Variants in FGF13 observed in about 807,000 individuals in gnomAD.
FGF13 encodes the protein fibroblast growth factor homologous factor 2.
Under a neutral mutation model 19.5 loss-of-function variants are expected in FGF13, and 2 were observed. The observed-to-expected ratio is 0.10, with a 90% CI of 0.04 to 0.32. The LOEUF is 0.32. Ranked by LOEUF, FGF13 falls within the 10% of genes least tolerant of loss-of-function variation. The pLI is 1.00. For missense variants in FGF13, 113 were observed against 192.7 expected (o/e 0.59, Z 2.45); for synonymous variants, 72 against 76.9 (o/e 0.94, Z 0.33).
chrX:138,812,673 T>C (rs2090934810), intron 3 of FGF13, among the ~76,000 whole-genome samples: 1 of 111,865 alleles, frequency 8.9e-6, no homozygotes, highest in African/African-American at 3.2e-5. Context: ...TGTTTTTACA[T>C]GAATAAGATT....
intron 1 of FGF13, among the ~76,000 whole-genome samples, chrX:139,119,719 T>G (rs2083663869): frequency 8.9e-6 from 1 of 112,491 alleles, no homozygotes. Flanking sequence ...GTTAATGATA[T>G]AAATTAATAG....
At chrX:138,988,162 C>T (rs2092001087) in intron 1 of FGF13, among the ~76,000 whole-genome samples, 1 of 111,813 alleles carries the variant, frequency 8.9e-6, no homozygotes, top group African/African-American at 3.3e-5. Context: ...CTTCCAAAAT[C>T]TCCTTTGTTA....
At chrX:138,894,413 A>G (rs2091492841) in intron 1 of FGF13, among the ~76,000 whole-genome samples, 1 of 111,300 alleles carries the variant, frequency 9.0e-6, no homozygotes, top group African/African-American at 3.3e-5. Context: ...GACCGCTAGC[A>G]AGACTAATAA....
chrX:138,886,836 C>T (rs1004572359), intron 1 of FGF13, among the ~76,000 whole-genome samples: 1 of 111,941 alleles, frequency 8.9e-6, no homozygotes, highest in African/African-American at 3.2e-5. Context: ...ATTATGACCA[C>T]AAAGTACTAT....
chrX:139,154,736 G>C (rs2083963923), intron 1 of FGF13, among the ~76,000 whole-genome samples: 1 of 111,547 alleles, frequency 9.0e-6, no homozygotes, highest in Non-Finnish European at 1.9e-5. Context: ...GCTCATTTAA[G>C]GAACACAGCA....
At chrX:138,961,150 T>C (rs762438896) in intron 1 of FGF13, among the ~76,000 whole-genome samples, 2 of 111,836 alleles carry the variant, frequency 1.8e-5, no homozygotes, top group Admixed American at 9.5e-5. Context: ...TGTGGTTTTA[T>C]CTACCTTTGG....
At chrX:139,199,910 C>A (rs913558615) in intron 1 of FGF13, among the ~76,000 whole-genome samples, 8 of 112,427 alleles carry the variant, frequency 7.1e-5, no homozygotes, top group African/African-American at 2.6e-4. Flanking sequence ...TAGCTTTAGC[C>A]TTTGTCAATA....
At chrX:138,832,360 G>A (rs1024800118) in intron 3 of FGF13, among the ~76,000 whole-genome samples, 6 of 111,768 alleles carry the variant, frequency 5.4e-5, no homozygotes, top group Admixed American at 2.8e-4. Flanking sequence ...ATTCTGACTG[G>A]TGTGACATGG....
At chrX:139,055,332 T>A (rs1405518696) in intron 1 of FGF13, among the ~76,000 whole-genome samples, 1 of 112,041 alleles carries the variant, frequency 8.9e-6, no homozygotes, top group Non-Finnish European at 1.9e-5. Context: ...TTGTACTTTG[T>A]CTTCAAGATT....
At chrX:138,902,230 A>T (rs2091534854) in intron 1 of FGF13, among the ~76,000 whole-genome samples, 1 of 112,405 alleles carries the variant, frequency 8.9e-6, no homozygotes, top group Non-Finnish European at 1.9e-5. Context: ...GATGTCAGAT[A>T]TTTCTGTTAG....
At position 139,102,404 on chromosome X, in the gene FGF13, C is replaced by T. The variant is rs571806602; in HGVS notation, c.-113+101012G>A. On this transcript the variant is annotated intron_variant, in intron 1 of 2. Coordinates refer to the FGF13 transcript ENST00000421460. ...AAAAAAAAAGTCATTGTCAGCACAG[C>T]ATTGTGGAAATTGCACTTTGGCATC... Among the ~76,000 whole-genome samples, 9 of 111,553 alleles carry T rather than the reference C, an allele frequency of 8.1e-5. No homozygotes were observed. In the South Asian group the frequency reaches 3.4e-3, roughly 42 times the overall value.
chrX:139,140,545 T>A (rs1368063391), intron 1 of FGF13, among the ~76,000 whole-genome samples: 2 of 111,481 alleles, frequency 1.8e-5, no homozygotes, highest in Non-Finnish European at 3.8e-5. Flanking sequence ...CTCCTTCAAA[T>A]GTGTTCTGTA....
At chrX:138,933,766 T>C (rs1031162095) in intron 1 of FGF13, among the ~76,000 whole-genome samples, 1 of 111,932 alleles carries the variant, frequency 8.9e-6, no homozygotes, top group African/African-American at 3.3e-5. Flanking sequence ...ATTTTCATCA[T>C]GTCAATGTCC....
At chrX:138,819,394 G>C (rs1044847218) in intron 3 of FGF13, among the ~76,000 whole-genome samples, 1 of 111,340 alleles carries the variant, frequency 9.0e-6, no homozygotes, top group Non-Finnish European at 1.9e-5. Flanking sequence ...AGGTTGGAGT[G>C]AATAATGAAT....
intron 1 of FGF13, among the ~76,000 whole-genome samples, chrX:139,117,517 T>G (rs987163708): frequency 1.8e-5 from 2 of 111,479 alleles, no homozygotes; most frequent in African/African-American, 3.3e-5. Context: ...AAATTTCACT[T>G]AAAGGGTCCT....
At chrX:138,830,687 T>TG (rs1556225883) in intron 3 of FGF13, among the ~76,000 whole-genome samples, 1 of 87,520 alleles carries the variant, frequency 1.1e-5, no homozygotes, top group South Asian at 6.8e-4. Context: ...AAAGGGGTGT[T>TG]TGTGTGTGTG....
intron 3 of FGF13, among the ~76,000 whole-genome samples, chrX:138,784,107 T>A (rs1382885781): frequency 1.1e-5 from 1 of 90,904 alleles, no homozygotes; most frequent in Non-Finnish European, 2.1e-5. Context: ...TAGGTGGGAA[T>A]TGAACAATGA....
intron 3 of FGF13, among the ~76,000 whole-genome samples, chrX:138,802,403 T>A (rs1167571919): frequency 2.7e-5 from 3 of 110,817 alleles, no homozygotes; most frequent in Non-Finnish European, 5.7e-5. Context: ...CTGCTTCTGC[T>A]CACCCTTGCT....
chrX:138,807,793 C>T (rs1205159493), intron 3 of FGF13, among the ~76,000 whole-genome samples: 4 of 111,455 alleles, frequency 3.6e-5, no homozygotes, highest in Non-Finnish European at 7.5e-5. Context: ...GGGTTGCAAT[C>T]CTAGTCTCTG....
Sources: allele counts gnomAD v4.1 joint callset (sites outside exome capture counted in the v4.1 genomes callset), GRCh38; gene constraint gnomAD v4.1.1; transcripts MANE v1.5; gene names NCBI Gene and HGNC (gene_info 2026-07-23, HGNC 2026-07-21).